The following PCYT1B variants were observed in gnomAD, a reference collection of about 807,000 sequenced individuals.
PCYT1B encodes the protein choline-phosphate cytidylyltransferase B.
Under a neutral mutation model 26.4 loss-of-function variants are expected in PCYT1B, and 10 were observed. That is an observed-to-expected ratio of 0.38 (90% CI 0.23 to 0.64). PCYT1B has a LOEUF of 0.64. Ranked by LOEUF, PCYT1B falls within the 30% of genes least tolerant of loss-of-function variation. The pLI, the probability that PCYT1B is intolerant of heterozygous loss-of-function variation, is 0.56. For missense variants in PCYT1B, 161 were observed against 292.7 expected (o/e 0.55, Z 3.28); for synonymous variants, 131 against 108.4 (o/e 1.21, Z -1.29).
intron 3 of PCYT1B, among the ~76,000 whole-genome samples, chrX:24,595,870 G>T (rs1475631702): frequency 1.0e-5 from 1 of 99,920 alleles, no homozygotes; most frequent in African/African-American, 4.0e-5. Context: ...GAGAGAGTGA[G>T]ACCCTGTCTC....
At chrX:24,564,199 A>T (rs1182311408) in intron 7 of PCYT1B, among the ~76,000 whole-genome samples, 2 of 103,896 alleles carry the variant, frequency 1.9e-5, no homozygotes, top group African/African-American at 6.9e-5. Flanking sequence ...AAAAAAAAAA[A>T]TCCAAGATGG....
At chrX:24,647,582 G>C (rs1569257119), upstream of PCYT1B, among the ~76,000 whole-genome samples, 1 of 112,338 alleles carries the variant, frequency 8.9e-6, no homozygotes, top group East Asian at 2.8e-4. Context: ...ACCGCTTCCT[G>C]AGGGGCCTAG....
intron 1 of PCYT1B, among the ~76,000 whole-genome samples, chrX:24,626,843 T>C (rs982873260): frequency 2.7e-5 from 3 of 111,960 alleles, no homozygotes; most frequent in African/African-American, 9.7e-5. Flanking sequence ...GGCACTGTTC[T>C]AGCTTCTGAG....
chrX:24,575,621 G>A (rs764622210), intron 6 of PCYT1B, among the ~76,000 whole-genome samples: 1 of 112,424 alleles, frequency 8.9e-6, no homozygotes, highest in Non-Finnish European at 1.9e-5. Context: ...AAAACACACA[G>A]TTGTCTTTTG....
intron 7 of PCYT1B, among the ~76,000 whole-genome samples, chrX:24,563,851 G>T (rs1923521776): frequency 9.0e-6 from 1 of 111,410 alleles, no homozygotes; most frequent in African/African-American, 3.3e-5. Context: ...AGTGAGGCGG[G>T]GGCAGGAACA....
chrX:24,587,173 A>G, intron 5 of PCYT1B, 68 bp downstream of exon 5: 3 of 765,678 alleles, frequency 3.9e-6, no homozygotes, highest in Non-Finnish European at 4.0e-6. Context: ...CCCAGGGCAG[A>G]CAGATGTCTC....
At chrX:24,581,736 G>T (rs1448781177) in intron 5 of PCYT1B, among the ~76,000 whole-genome samples, 1 of 112,439 alleles carries the variant, frequency 8.9e-6, no homozygotes, top group African/African-American at 3.2e-5. Flanking sequence ...GGCACCATAG[G>T]AATATTTCTT....
At chrX:24,570,899 G>A (rs778656668) in intron 7 of PCYT1B, among the ~76,000 whole-genome samples, 63 of 110,977 alleles carry the variant, frequency 5.7e-4, no homozygotes, top group Non-Finnish European at 1.1e-3. Context: ...GACACACCCC[G>A]ACCAAAGGAA....
intron 1 of PCYT1B, among the ~76,000 whole-genome samples, chrX:24,662,371 G>T (rs777607674): frequency 7.2e-5 from 8 of 111,430 alleles, no homozygotes; most frequent in Non-Finnish European, 1.5e-4. Flanking sequence ...ACATCTTGGG[G>T]CTGGGGGTGC....
At chrX:24,601,383 C>T (rs1924955852) in intron 3 of PCYT1B, among the ~76,000 whole-genome samples, 1 of 110,003 alleles carries the variant, frequency 9.1e-6, no homozygotes, top group Non-Finnish European at 1.9e-5. Context: ...ATCCCAGCTA[C>T]TCGGGAGGCT....
intron 1 of PCYT1B, among the ~76,000 whole-genome samples, chrX:24,658,506 C>CTTTTTTTTT (rs1203809740): frequency 1.2e-4 from 7 of 58,829 alleles, no homozygotes; most frequent in Admixed American, 2.3e-4. Context: ...TGTTTCATTG[C>CTTTTTTTTT]TTTTTTTTTT....
At chrX:24,635,650 C>T (rs1159319892) in intron 1 of PCYT1B, among the ~76,000 whole-genome samples, 1 of 111,859 alleles carries the variant, frequency 8.9e-6, no homozygotes, top group African/African-American at 3.2e-5. Context: ...GACCTCTGAT[C>T]TCCCACCTAT....
intron 3 of PCYT1B, among the ~76,000 whole-genome samples, chrX:24,593,441 C>CTTTTCTTTTCTTTTCTTTTCTTTTCT (rs1555958090): frequency 7.0e-5 from 4 of 56,758 alleles, no homozygotes; most frequent in African/African-American, 3.0e-4. Context: ...TCCTTTCTTT[C>CTTTTCTTTTCTTTTCTTTTCTTTTCT]TTTCTTTTCT....
intron 1 of PCYT1B, among the ~76,000 whole-genome samples, chrX:24,631,522 G>GA (rs1289733567): frequency 3.7e-4 from 40 of 108,329 alleles, no homozygotes; most frequent in Admixed American, 1.3e-3. Flanking sequence ...ACGTGGATGA[G>GA]AAAAAAAAAA....
At chrX:24,633,740 A>G (rs1013185425) in intron 1 of PCYT1B, among the ~76,000 whole-genome samples, 1 of 111,677 alleles carries the variant, frequency 9.0e-6, no homozygotes, top group South Asian at 3.7e-4. Flanking sequence ...GAAATACGCC[A>G]TACGAACTTA....
At chrX:24,581,344 G>A (rs752690013) in intron 5 of PCYT1B, among the ~76,000 whole-genome samples, 5 of 111,609 alleles carry the variant, frequency 4.5e-5, no homozygotes, top group Non-Finnish European at 9.4e-5. Flanking sequence ...CAACTGCAGG[G>A]GGGGACTGCT....
chrX:24,568,911 C>T (rs1447860583), intron 7 of PCYT1B, among the ~76,000 whole-genome samples: 1 of 110,829 alleles, frequency 9.0e-6, no homozygotes, highest in East Asian at 2.8e-4. Flanking sequence ...ACCAGCCTGG[C>T]CAACATGGTA....
chrX:24,603,749 A>T (rs1310671564), intron 3 of PCYT1B, among the ~76,000 whole-genome samples: 8 of 111,481 alleles, frequency 7.2e-5, no homozygotes, highest in Non-Finnish European at 1.5e-4. Flanking sequence ...TAAATAAAAA[A>T]CTTAGAAAAA....
At chrX:24,564,225 C>T (rs1000367498) in intron 7 of PCYT1B, among the ~76,000 whole-genome samples, 1 of 110,346 alleles carries the variant, frequency 9.1e-6, no homozygotes, top group South Asian at 3.9e-4. Context: ...GAGCCTGGCC[C>T]GGCCCGGGAT....
Sources: gnomAD v4.1 joint callset for allele counts (sites outside exome capture counted in the v4.1 genomes callset) on GRCh38, gnomAD v4.1.1 for gene constraint, MANE v1.5 for transcripts, NCBI Gene and HGNC (gene_info 2026-07-23, HGNC 2026-07-21) for gene names.